RBFOX1: variants seen among roughly 807,000 people sequenced by gnomAD.
RBFOX1 encodes RNA binding fox-1 homolog 1.
RBFOX1 carries 8 observed loss-of-function variants against 57.7 expected under a neutral mutation model. The observed-to-expected ratio is 0.14, with a 90% CI of 0.08 to 0.25. The LOEUF is 0.25. RBFOX1 is among the 10% of genes least tolerant of loss of function. RBFOX1 has a pLI of 1.00. For synonymous variants in RBFOX1, 326 were observed against 222.4 expected (o/e 1.47, Z -4.15); for missense variants, 611 against 548.5 (o/e 1.11, Z -1.14).
chr16:5,366,345 G>A, intron 1 of RBFOX1: 1 of 363,172 alleles, frequency 2.8e-6, no homozygotes, highest in Non-Finnish European at 5.3e-6. Flanking sequence ...TGATGATGAT[G>A]ATTTTGATAA....
At chr16:7,142,553 C>T (rs1600806773) in intron 4 of RBFOX1, among the ~76,000 whole-genome samples, 1 of 152,178 alleles carries the variant, frequency 6.6e-6, no homozygotes, top group Admixed American at 6.5e-5. Context: ...CCGGCTCTTT[C>T]TTAGCCATTG....
At chr16:5,929,185 C>G (rs867421180) in intron 4 of RBFOX1, among the ~76,000 whole-genome samples, 1 of 152,124 alleles carries the variant, frequency 6.6e-6, no homozygotes, top group African/African-American at 2.4e-5. Flanking sequence ...GGGGCATTAC[C>G]TCCTGGTGGG....
At chr16:7,034,836 T>TTTC (rs2043848302) in intron 3 of RBFOX1, among the ~76,000 whole-genome samples, 4 of 92,030 alleles carry the variant, frequency 4.3e-5, no homozygotes, top group Admixed American at 3.4e-4. Flanking sequence ...ACTTTTTTTT[T>TTTC]TTTTCTTTTT....
intron 3 of RBFOX1, among the ~76,000 whole-genome samples, chr16:6,817,436 G>A (rs184939257): frequency 1.3e-5 from 2 of 151,030 alleles, no homozygotes; most frequent in Non-Finnish European, 2.9e-5. Flanking sequence ...GCTCATGCCT[G>A]TAATCCCAAC....
Position 5,725,826 on chromosome 16 carries a change from C to G in RBFOX1, c.318+126865C>G, listed in dbSNP as rs554947358. The stretch of plus-strand genomic sequence containing the variant: ...AGGGCTGTTCTAGGATGCCAGCTCT[C>G]CGAGTTCTCTGCCTCTTGGTTGGCA... On this transcript the variant is annotated intron_variant, in intron 3 of 19. Transcript: ENST00000641259. 4.6e-5 allele frequency among the ~76,000 whole-genome samples: 7 copies of G among 152,042 alleles called. No homozygotes were observed. The East Asian group carries it at 1.4e-3, about 30-fold the overall frequency.
chr16:7,688,124 A>G (rs1051087810), intron 14 of RBFOX1, among the ~76,000 whole-genome samples: 1 of 151,938 alleles, frequency 6.6e-6, no homozygotes, highest in African/African-American at 2.4e-5. Flanking sequence ...ATTTTGTCCC[A>G]CTGCTATCCT....
chr16:5,960,058 G>A (rs976621800), intron 4 of RBFOX1, among the ~76,000 whole-genome samples: 7 of 151,986 alleles, frequency 4.6e-5, no homozygotes, highest in African/African-American at 1.4e-4. Flanking sequence ...AAAATTAGCC[G>A]GGCATGGTGA....
intron 3 of RBFOX1, among the ~76,000 whole-genome samples, chr16:5,614,002 C>G (rs532147285): frequency 6.6e-6 from 1 of 151,840 alleles, no homozygotes; most frequent in Admixed American, 6.6e-5. Flanking sequence ...CCACTTCTCT[C>G]AATGGGGCTG....
intron 5 of RBFOX1, among the ~76,000 whole-genome samples, chr16:7,554,102 C>T (rs1236316929): frequency 1.3e-5 from 2 of 152,078 alleles, no homozygotes; most frequent in Non-Finnish European, 2.9e-5. Flanking sequence ...GAGCAAGATC[C>T]TGTCTCAAAA....
chr16:6,323,001 C>G (rs531617891), intron 2 of RBFOX1, among the ~76,000 whole-genome samples: 1 of 152,290 alleles, frequency 6.6e-6, no homozygotes, highest in South Asian at 2.1e-4. Flanking sequence ...CTTACCTCTC[C>G]TAAGCTGCTG....
intron 2 of RBFOX1, among the ~76,000 whole-genome samples, chr16:6,542,319 C>T (rs2096832088): frequency 1.3e-5 from 2 of 151,846 alleles, no homozygotes; most frequent in African/African-American, 2.4e-5. Context: ...TTGAGTAGCA[C>T]CTCACACAGG....
At chr16:7,031,932 A>G (rs2042906890) in intron 3 of RBFOX1, among the ~76,000 whole-genome samples, 1 of 152,112 alleles carries the variant, frequency 6.6e-6, no homozygotes, top group African/African-American at 2.4e-5. Context: ...GCTTTCTTCC[A>G]GCAGCCAAAT....
At chr16:5,278,777 A>G (rs4786657) in intron 1 of RBFOX1, among the ~76,000 whole-genome samples, 49,007 of 152,086 alleles carry the variant, frequency 0.32, 8,365 homozygotes, top group South Asian at 0.45. Context: ...GTGATGAGAG[A>G]TAAGGGTCTA....
intron 2 of RBFOX1, among the ~76,000 whole-genome samples, chr16:6,374,924 G>C (rs542131970): frequency 4.6e-5 from 7 of 152,324 alleles, no homozygotes; most frequent in African/African-American, 1.7e-4. Flanking sequence ...TGGGATTCCT[G>C]TTAGCAACTG....
chr16:7,101,119 G>A (rs1288240597), intron 4 of RBFOX1, among the ~76,000 whole-genome samples: 1 of 152,114 alleles, frequency 6.6e-6, no homozygotes, highest in Non-Finnish European at 1.5e-5. Context: ...GTACTTTTAA[G>A]GCACTAAACG....
In RBFOX1 at chr16:7,381,622, G is replaced by C. The variant is rs554273795; in HGVS notation, c.28-136525G>C. Among the ~76,000 whole-genome samples the C allele has an allele frequency of 9.9e-5, 15 of 151,902 alleles. No individual in the cohort carries two copies. In the East Asian group the frequency reaches 2.3e-3, roughly 24 times the overall value. ...TTTTTCAGTGTTATTCATTATTTTG[G>C]GATGTTGCTTTTATTATTTTTCATA... On this transcript the variant is annotated intron_variant, in intron 4 of 15. Transcript: ENST00000550418.
At chr16:6,503,617 G>T (rs1345613494) in intron 2 of RBFOX1, among the ~76,000 whole-genome samples, 1 of 152,108 alleles carries the variant, frequency 6.6e-6, no homozygotes, top group East Asian at 1.9e-4. Flanking sequence ...GCTTGCTTAG[G>T]CTTGGTCAGC....
At chr16:6,140,751 C>T (rs1398403040) in intron 1 of RBFOX1, among the ~76,000 whole-genome samples, 1 of 152,164 alleles carries the variant, frequency 6.6e-6, no homozygotes, top group Non-Finnish European at 1.5e-5. Flanking sequence ...CCAGGAGTAC[C>T]TCATCCTATA....
intron 5 of RBFOX1, among the ~76,000 whole-genome samples, chr16:7,530,658 G>A (rs2079829484): frequency 6.6e-6 from 1 of 152,118 alleles, no homozygotes; most frequent in African/African-American, 2.4e-5. Context: ...CAGGGGGTCT[G>A]GGTTTCTTCC....
Sources: allele counts gnomAD v4.1 joint callset (sites outside exome capture counted in the v4.1 genomes callset), GRCh38; gene constraint gnomAD v4.1.1; transcripts MANE v1.5; gene names NCBI Gene and HGNC (gene_info 2026-07-23, HGNC 2026-07-21).